Variants in NOS1 observed in about 807,000 individuals in gnomAD.
The protein encoded by NOS1 is nitric oxide synthase 1.
A neutral mutation model predicts 164.5 loss-of-function variants in NOS1; 51 were observed. The ratio of observed to expected loss-of-function variants is 0.31; its 90% confidence interval spans 0.25 to 0.39. The LOEUF (loss-of-function observed/expected upper bound fraction) is 0.39. NOS1 is among the 10% of genes least tolerant of loss of function. The pLI, the probability that NOS1 is intolerant of heterozygous loss-of-function variation, is 1.00. For synonymous variants in NOS1, 719 were observed against 745.8 expected (o/e 0.96, Z 0.59); for missense variants, 1,362 against 1,885.6 (o/e 0.72, Z 5.14).
Position 117,220,166 on chromosome 12 carries a change from G to A in NOS1, c.4079C>T (p.Ala1360Val), listed in dbSNP as rs1373919219. Reference sequence around the variant, plus strand: ...CTGGATGGCTTTGAGGACATCAGCAGCCATGGTGACGTCCCCACAGACGTA... The same window carrying A: ...CTGGATGGCTTTGAGGACATCAGCAACCATGGTGACGTCCCCACAGACGTA... The part of the protein sequence containing the change: ...HIYVCGDVTM[A>V]ADVLKAIQRI... The change falls in exon 27 of 29, where the codon GCT becomes GTT. Residue 1360 changes from alanine (A) to valine (V), a missense_variant. Ala to Val is a moderately conservative substitution (Grantham distance 64, BLOSUM62 0). This residue lies in a region of NOS1 where 737 missense variants were observed against 1,030.3 expected (regional missense o/e 0.72). Coordinates refer to ENST00000317775, the MANE Select transcript of NOS1 (RefSeq NM_000620.5). The A allele has an allele frequency of 1.2e-6, 2 of 1,614,034 alleles. No individual in the cohort carries two copies. The highest frequency in any genetic ancestry group is 2.2e-5 in the East Asian group (1 of 44,886).
chr12:117,320,797 C>T lies in NOS1; in HGVS notation c.726-9205G>A, dbSNP rs1389586322. Among the ~76,000 whole-genome samples, 5 of 152,152 alleles carry T rather than the reference C, an allele frequency of 3.3e-5. No homozygotes were observed. In the East Asian group the frequency reaches 9.6e-4, roughly 29 times the overall value. On this transcript the variant is annotated intron_variant, in intron 2 of 28. Coordinates refer to ENST00000317775, the MANE Select transcript of NOS1 (RefSeq NM_000620.5). Reference sequence around the variant, plus strand: ...TCCCAACCCTGTTCCTGTCTCAGGGCCTTTGCTCCTGCTGTGTCTTCTGCT... The same window carrying T: ...TCCCAACCCTGTTCCTGTCTCAGGGTCTTTGCTCCTGCTGTGTCTTCTGCT...
chr12:117,290,866 C>T (rs533812078), intron 3 of NOS1, among the ~76,000 whole-genome samples: 2 of 152,220 alleles, frequency 1.3e-5, no homozygotes, highest in Non-Finnish European at 2.9e-5. Flanking sequence ...CTTTCTGTGA[C>T]AGTCCAAACT....
At chr12:117,265,975 T>C (rs931902057) in intron 11 of NOS1, among the ~76,000 whole-genome samples, 60 of 150,808 alleles carry the variant, frequency 4.0e-4, no homozygotes, top group Non-Finnish European at 1.5e-4. Context: ...TTTTTTTGTA[T>C]TTTTTAGTAG....
intron 11 of NOS1, among the ~76,000 whole-genome samples, chr12:117,266,528 G>GT (rs571605670): frequency 2.1e-4 from 31 of 147,394 alleles, no homozygotes; most frequent in East Asian, 4.0e-4. Context: ...CTTCTTTTAG[G>GT]TTTTTTTTTT....
chr12:117,273,213 C>G (rs1872921293), intron 9 of NOS1, among the ~76,000 whole-genome samples: 1 of 152,206 alleles, frequency 6.6e-6, no homozygotes, highest in Non-Finnish European at 1.5e-5. Flanking sequence ...TGTGTAAGAA[C>G]TTCTCTTCCT....
Position 117,253,700 on chromosome 12 carries a change from T to C in NOS1, c.2586A>G (p.Ser862=). ...CTCTGAGGTCGGGCCCATCGCCTGA[T>C]GATTTTTGGGAGTCAGAGTAGGAGG... ...SVSSYSDSQK[S]SGDGPDLRDN... is the part of the protein sequence containing the mutation. The change falls in exon 17 of 29, where the codon TCA becomes TCG. Residue 862 remains serine (S), a synonymous_variant. Transcript: ENST00000317775. The C allele has an allele frequency of 6.2e-7, 1 of 1,614,092 alleles. No individual in the cohort carries two copies. The highest frequency in any genetic ancestry group is 8.5e-7 in the Non-Finnish European group (1 of 1,180,006).
chr12:117,333,667 G>A (rs1049126001), intron 1 of NOS1, among the ~76,000 whole-genome samples: 1 of 152,196 alleles, frequency 6.6e-6, no homozygotes, highest in Non-Finnish European at 1.5e-5. Flanking sequence ...TTCTCCATCT[G>A]GCGTTGCTCT....
intron 1 of NOS1, among the ~76,000 whole-genome samples, 178 bp downstream of exon 1, chr12:117,361,334 C>T (rs1304484172): frequency 6.6e-6 from 1 of 151,782 alleles, no homozygotes; most frequent in Non-Finnish European, 1.5e-5. Context: ...TCCCCTTCCC[C>T]TCCGCTTTGT....
chr12:117,278,931 T>C (rs1042716239), intron 8 of NOS1, among the ~76,000 whole-genome samples: 3 of 150,034 alleles, frequency 2.0e-5, no homozygotes, highest in Admixed American at 1.3e-4. Flanking sequence ...AATATCAACA[T>C]TAATTTATTA....
chr12:117,297,491 A>C (rs529143239), intron 3 of NOS1, among the ~76,000 whole-genome samples: 28 of 152,180 alleles, frequency 1.8e-4, no homozygotes, highest in Non-Finnish European at 2.5e-4. Context: ...TCATGGGTTC[A>C]AATGATTCTC....
At chr12:117,331,609 AAGACACTCC>A (rs1285379589) in intron 1 of NOS1, 120 bp from the exon 2 acceptor site, 1 of 152,616 alleles carries the variant, frequency 6.6e-6, no homozygotes, top group African/African-American at 2.4e-5. Flanking sequence ...GTCTAGACAC[AAGACACTCC>A]AGAATTTCAA....
At chr12:117,237,015 G>T (rs563960501) in intron 20 of NOS1, among the ~76,000 whole-genome samples, 138 of 152,326 alleles carry the variant, frequency 9.1e-4, no homozygotes, top group African/African-American at 3.1e-3. Flanking sequence ...TGGCTGTGGG[G>T]CCCCAGGGCA....
chr12:117,276,780 A>T (rs1873219203), intron 9 of NOS1, among the ~76,000 whole-genome samples: 1 of 152,204 alleles, frequency 6.6e-6, no homozygotes, highest in South Asian at 2.1e-4. Flanking sequence ...AATGATCTCC[A>T]GTTCCATCCA....
intron 7 of NOS1, among the ~76,000 whole-genome samples, chr12:117,283,056 A>ATATATT (rs1360367568): frequency 1.4e-4 from 13 of 92,950 alleles, no homozygotes; most frequent in African/African-American, 4.3e-4. Flanking sequence ...ATATATATAT[A>ATATATT]TTTTTTTTTT....
At chr12:117,310,062 A>G (rs1360649168) in intron 3 of NOS1, among the ~76,000 whole-genome samples, 1 of 152,146 alleles carries the variant, frequency 6.6e-6, no homozygotes, top group East Asian at 1.9e-4. Context: ...ATGTGCCACC[A>G]TACCCAGCTA....
At chr12:117,329,387 CTT>C in intron 2 of NOS1, among the ~76,000 whole-genome samples, 1 of 152,206 alleles carries the variant, frequency 6.6e-6, no homozygotes, top group South Asian at 2.1e-4. Flanking sequence ...TCTGAGGACA[CTT>C]TGGGGTTCTT....
At chr12:117,325,396 T>C (rs532049320) in intron 2 of NOS1, among the ~76,000 whole-genome samples, 1 of 152,150 alleles carries the variant, frequency 6.6e-6, no homozygotes, top group South Asian at 2.1e-4. Context: ...TAGGAGGCCA[T>C]TTGGTAATTT....
At chr12:117,242,559 C>A in intron 20 of NOS1, 68 bp downstream of exon 20, 7 of 1,295,022 alleles carry the variant, frequency 5.4e-6, no homozygotes, top group Non-Finnish European at 7.9e-6. Flanking sequence ...GTCCACAGGG[C>A]TTGTCCTTCA....
chr12:117,346,561 T>A (rs1017271618), intron 1 of NOS1, among the ~76,000 whole-genome samples: 1 of 152,188 alleles, frequency 6.6e-6, no homozygotes, highest in African/African-American at 2.4e-5. Flanking sequence ...CCACCAGCGA[T>A]GAACATGGTC....
Sources: allele counts gnomAD v4.1 joint callset (sites outside exome capture counted in the v4.1 genomes callset), GRCh38; gene constraint gnomAD v4.1.1; regional missense constraint gnomAD v4.1.1; transcripts MANE v1.5; gene names NCBI Gene and HGNC (gene_info 2026-07-23, HGNC 2026-07-21).